ADAMTS16: variants seen among roughly 807,000 people sequenced by gnomAD.
ADAMTS16 encodes A disintegrin and metalloproteinase with thrombospondin motifs 16.
A neutral mutation model predicts 145.8 loss-of-function variants in ADAMTS16; 94 were observed. The observed-to-expected ratio is 0.64, with a 90% CI of 0.55 to 0.77. The LOEUF is 0.77. Ranked by LOEUF, ADAMTS16 falls within the 30% of genes least tolerant of loss-of-function variation. The pLI is 0.00. For synonymous variants in ADAMTS16, 659 were observed against 604.3 expected, an observed-to-expected ratio of 1.09 and a Z score of -1.33; for missense variants, 1,585 against 1,591.5, an observed-to-expected ratio of 1.00 and a Z score of 0.07.
intron 14 of ADAMTS16, among the ~76,000 whole-genome samples, chr5:5,238,407 T>G (rs1183296316): frequency 1.3e-5 from 2 of 152,200 alleles, no homozygotes; most frequent in African/African-American, 2.4e-5. Flanking sequence ...GATGCCACCC[T>G]AAGCCCTTGT....
intron 17 of ADAMTS16, among the ~76,000 whole-genome samples, chr5:5,259,021 T>C (rs1176268269): frequency 6.6e-6 from 1 of 152,114 alleles, no homozygotes; most frequent in Admixed American, 6.5e-5. Flanking sequence ...CTATGAGGCA[T>C]TTGGGGCACA....
At chr5:5,186,000 G>A in intron 4 of ADAMTS16, 52 bp from the exon 5 acceptor site, 1 of 1,518,568 alleles carries the variant, frequency 6.6e-7, no homozygotes, top group Non-Finnish European at 9.0e-7. Context: ...TTACGGCCCT[G>A]ATTTTGTGTG....
chr5:5,167,591 A>G (rs994916092), intron 3 of ADAMTS16, among the ~76,000 whole-genome samples: 3 of 152,216 alleles, frequency 2.0e-5, no homozygotes, highest in Non-Finnish European at 2.9e-5. Context: ...ACAGTTTTAG[A>G]AGGTCGCTAG....
chr5:5,173,101 T>C (rs1479312083), intron 3 of ADAMTS16, among the ~76,000 whole-genome samples: 1 of 152,050 alleles, frequency 6.6e-6, no homozygotes, highest in Non-Finnish European at 1.5e-5. Context: ...TTTTAGTCTA[T>C]TTTTATTCCT....
intron 3 of ADAMTS16, among the ~76,000 whole-genome samples, chr5:5,175,821 C>T (rs946863796): frequency 1.3e-5 from 2 of 152,166 alleles, no homozygotes; most frequent in African/African-American, 2.4e-5. Flanking sequence ...GTCCCATGAT[C>T]GCTGTTCTCT....
chr5:5,150,120 A>G (rs761127295), intron 3 of ADAMTS16, among the ~76,000 whole-genome samples: 7 of 152,212 alleles, frequency 4.6e-5, no homozygotes, highest in Non-Finnish European at 1.0e-4. Context: ...ACCATTTTTC[A>G]TATTAGCTGT....
intron 21 of ADAMTS16, among the ~76,000 whole-genome samples, chr5:5,312,596 C>T (rs1474236662): frequency 6.6e-6 from 1 of 152,056 alleles, no homozygotes; most frequent in East Asian, 1.9e-4. Context: ...TACAGGTGTG[C>T]TCCACCACTC....
rs767750651 is a variant in ADAMTS16, at chr5:5,318,166, G to A, written c.3444G>A (p.Thr1148=). 34 of 1,528,536 alleles carry A rather than the reference G, an allele frequency of 2.2e-5. No homozygotes were observed. Among genetic ancestry groups the A allele is most frequent in the South Asian group, 1.9e-4 (15 of 79,836 alleles). The allele number at this position is 1,528,536 out of a possible 1,614,324, so 94.7% of individuals were successfully genotyped here. ...CTASCGGGVQ[T]RSVQCLAGGR... ...CCAGCTGTGGGGGAGGCGTTCAGAC[G>A]AGGTCCGTGCAGTGCCTGGCTGGGG... Residue 1148 remains threonine, a synonymous_variant, in exon 22 of 23, where the codon ACG becomes ACA. Transcript: ENST00000274181.
chr5:5,187,663 G>A (rs1863972), intron 5 of ADAMTS16, 62 bp from the exon 6 acceptor site: 792,965 of 1,104,548 alleles, frequency 0.72, 286,687 homozygotes, highest in South Asian at 0.8. Flanking sequence ...TTCTAGGCCC[G>A]CTAGTAAGTA....
Position 5,212,983 on chromosome 5 carries a change from C to T in ADAMTS16, c.1605+3737C>T, listed in dbSNP as rs140486557. On this transcript the variant is annotated intron_variant, in intron 10 of 22. Coordinates refer to ENST00000274181, the MANE Select transcript of ADAMTS16 (RefSeq NM_139056.4). The stretch of plus-strand genomic sequence containing the variant: ...ATAGTGGTTGCTTTAGAGATTACCG[C>T]ATGCATCCCTAATTTAGAGTCTATG... Among the ~76,000 whole-genome samples the T allele has an allele frequency of 3.3e-5, 5 of 152,308 alleles. No homozygotes were observed. In the Middle Eastern group the frequency reaches 0.01, roughly 311 times the overall value.
chr5:5,243,622 C>A (rs924672237), intron 17 of ADAMTS16, among the ~76,000 whole-genome samples: 3 of 152,204 alleles, frequency 2.0e-5, no homozygotes, highest in African/African-American at 7.2e-5. Context: ...ATAATAGAAT[C>A]AGAAAACTTC....
chr5:5,188,762 G>A, intron 6 of ADAMTS16, among the ~76,000 whole-genome samples: 1 of 152,170 alleles, frequency 6.6e-6, no homozygotes, highest in Non-Finnish European at 1.5e-5. Context: ...TGTGTGGACA[G>A]GGCTATTTCT....
At chr5:5,303,860 T>C (rs1739906798) in intron 20 of ADAMTS16, 94 bp downstream of exon 20, 8 of 1,395,184 alleles carry the variant, frequency 5.7e-6, no homozygotes, top group Admixed American at 2.1e-5. Flanking sequence ...CTTCTCTCTC[T>C]TCTCCCCTTA....
At chr5:5,161,381 A>G (rs1329735601) in intron 3 of ADAMTS16, among the ~76,000 whole-genome samples, 7 of 152,194 alleles carry the variant, frequency 4.6e-5, no homozygotes, top group Non-Finnish European at 8.8e-5. Context: ...TCCACCTTTC[A>G]TCCACCCTTT....
rs367971660 is a variant in ADAMTS16, at chr5:5,191,731, G to T, written c.1254G>T (p.Thr418=). 6.2e-7 allele frequency: 1 copy of T among 1,613,708 alleles called. No individual in the cohort carries two copies. Among genetic ancestry groups the T allele is most frequent in the South Asian group, 1.1e-5 (1 of 91,030 alleles). The change falls in exon 8 of 23, where the codon ACG becomes ACT. Residue 418 remains threonine (T), a synonymous_variant. Coordinates refer to ENST00000274181, the MANE Select transcript of ADAMTS16 (RefSeq NM_139056.4). ...TGTGTAGTAAATATCGCAGCTGCAC[G>T]ATTAATGAAGATACAGGTCTTGGAC... ...SGMCSKYRSC[T]INEDTGLGLA... is the part of the protein sequence containing the mutation.
chr5:5,284,268 C>G (rs977789123), intron 18 of ADAMTS16, among the ~76,000 whole-genome samples: 2 of 152,194 alleles, frequency 1.3e-5, no homozygotes, highest in Admixed American at 1.3e-4. Context: ...ATTTCTACCT[C>G]TTTCATTTTC....
intron 2 of ADAMTS16, among the ~76,000 whole-genome samples, chr5:5,141,504 C>T (rs1734168996): frequency 6.6e-6 from 1 of 152,170 alleles, no homozygotes; most frequent in South Asian, 2.1e-4. Context: ...GCAGGTGTGT[C>T]GCACTGGTTG....
chr5:5,222,277 G>GATGTGATTTTAAT (rs1736627045), intron 10 of ADAMTS16, among the ~76,000 whole-genome samples: 1 of 152,034 alleles, frequency 6.6e-6, no homozygotes, highest in Non-Finnish European at 1.5e-5. Context: ...CATATTTTAA[G>GATGTGATTTTAAT]CCTTAATCAC....
Position 5,217,321 on chromosome 5 carries a change from C to CA in ADAMTS16, c.1606-5466dup, listed in dbSNP as rs539462327. On this transcript the variant is annotated intron_variant, in intron 10 of 22. Coordinates refer to ENST00000274181, the MANE Select transcript of ADAMTS16 (RefSeq NM_139056.4). ...GACTTCATGTCTAAAACACCAAAAGCAATGGCAACAAAAGACAAAATTGAC... is the reference window on the plus strand; with the variant it reads ...GACTTCATGTCTAAAACACCAAAAGCAAATGGCAACAAAAGACAAAATTGAC... Among the ~76,000 whole-genome samples the CA allele has an allele frequency of 9.9e-3, 1,508 of 152,088 alleles. 13 individuals are homozygous for CA. The highest frequency in any genetic ancestry group is 0.018 in the South Asian group (88 of 4,796).
Sources: gnomAD v4.1 joint callset for allele counts (sites outside exome capture counted in the v4.1 genomes callset) on GRCh38, gnomAD v4.1.1 for gene constraint, MANE v1.5 for transcripts, NCBI Gene and HGNC (gene_info 2026-07-23, HGNC 2026-07-21) for gene names.